The following ACSS3 variants were observed in gnomAD, a reference collection of about 807,000 sequenced individuals.
ACSS3 encodes acyl-CoA synthetase short-chain family member 3, mitochondrial.
In ACSS3, 64 loss-of-function variants were observed where a neutral mutation model predicts 84.2. The observed-to-expected ratio is 0.76, with a 90% CI of 0.62 to 0.94. ACSS3 has a LOEUF of 0.94. ACSS3 is among the 40% of genes least tolerant of loss of function. ACSS3 has a pLI of 0.00. For missense variants in ACSS3, 815 were observed against 867.6 expected (o/e 0.94, Z 0.76); for synonymous variants, 317 against 310.1 (o/e 1.02, Z -0.23).
At chr12:81,162,098 T>C (rs1377946194) in intron 7 of ACSS3, among the ~76,000 whole-genome samples, 1 of 152,216 alleles carries the variant, frequency 6.6e-6, no homozygotes, top group Non-Finnish European at 1.5e-5. Context: ...GTTTGTGCTA[T>C]AGCTCTTTCA....
chr12:81,192,389 GCAAA>G (rs199599674), intron 8 of ACSS3, among the ~76,000 whole-genome samples: 2,653 of 151,982 alleles, frequency 0.017, 46 homozygotes, highest in South Asian at 0.028. Context: ...CAGGAAAAAA[GCAAA>G]CAAACAAACA....
intron 1 of ACSS3, chr12:81,094,453 C>T (rs1029930132): frequency 6.6e-6 from 1 of 152,186 alleles, no homozygotes; most frequent in Admixed American, 6.5e-5. Context: ...ACAATTGACG[C>T]TCCCTGTGTA....
At chr12:81,196,889 C>T (rs1442625984) in intron 8 of ACSS3, among the ~76,000 whole-genome samples, 1 of 152,140 alleles carries the variant, frequency 6.6e-6, no homozygotes, top group African/African-American at 2.4e-5. Context: ...CTAGGCCCCA[C>T]CTCCAATACT....
At chr12:81,115,089 G>C (rs1015542672) in intron 2 of ACSS3, among the ~76,000 whole-genome samples, 4 of 152,046 alleles carry the variant, frequency 2.6e-5, no homozygotes, top group African/African-American at 9.7e-5. Flanking sequence ...TTGGTTATTT[G>C]GGTAATGTCT....
intron 1 of ACSS3, among the ~76,000 whole-genome samples, chr12:81,098,129 T>TGAGAGAGAGAGAGA (rs769661021): frequency 7.4e-6 from 1 of 135,058 alleles, no homozygotes; most frequent in African/African-American, 2.8e-5. Flanking sequence ...GGTCCCAGTA[T>TGAGAGAGAGAGAGA]GAGAGAGAGA....
chr12:81,091,900 A>G (rs1382919388), intron 1 of ACSS3, among the ~76,000 whole-genome samples: 4 of 152,110 alleles, frequency 2.6e-5, no homozygotes, highest in Non-Finnish European at 4.4e-5. Context: ...CAAGAATTTA[A>G]GGAAAGTTAA....
chr12:81,139,635 A>AATTATT (rs201396521), intron 4 of ACSS3, among the ~76,000 whole-genome samples: 2,145 of 145,814 alleles, frequency 0.015, 29 homozygotes, highest in Middle Eastern at 0.047. Context: ...TAATAATAAT[A>AATTATT]ATTATTGTTA....
intron 7 of ACSS3, among the ~76,000 whole-genome samples, chr12:81,166,713 T>C (rs189552544): frequency 4.1e-4 from 63 of 152,310 alleles, no homozygotes; most frequent in African/African-American, 1.4e-3. Context: ...CAGGAAAGTT[T>C]GTTGTTTCAT....
chr12:81,253,485 T>C lies in ACSS3; in HGVS notation c.1820-10T>C. The C allele has an allele frequency of 6.2e-7, 1 of 1,613,412 alleles. No homozygotes were observed. Among genetic ancestry groups the C allele is most frequent in the Non-Finnish European group, 8.5e-7 (1 of 1,179,470 alleles). ...TAATTCAGTGCTTACCATCTGAACT[T>C]TCTCTCTAGATATAAATGCAACAGA... is the stretch of plus-strand genomic sequence containing the variant. On this transcript the variant is annotated splice_polypyrimidine_tract_variant and intron_variant, in intron 14 of 15. Transcript: ENST00000548058.
chr12:81,091,240 C>T (rs1446792088), intron 1 of ACSS3, among the ~76,000 whole-genome samples: 2 of 151,782 alleles, frequency 1.3e-5, no homozygotes, highest in Non-Finnish European at 1.5e-5. Context: ...ATTATGTTAT[C>T]AGATTGTCAT....
chr12:81,139,876 C>G (rs936497058), intron 4 of ACSS3, among the ~76,000 whole-genome samples: 1 of 151,946 alleles, frequency 6.6e-6, no homozygotes, highest in Non-Finnish European at 1.5e-5. Context: ...ACCTCGTGAT[C>G]CGCCTGCCTG....
chr12:81,129,389 AACC>A (rs1364606972), intron 2 of ACSS3, among the ~76,000 whole-genome samples: 1 of 152,190 alleles, frequency 6.6e-6, no homozygotes, highest in East Asian at 1.9e-4. Flanking sequence ...TTCTATGGCA[AACC>A]ACTAGGCTGA....
In ACSS3 at chr12:81,233,489, T is replaced by C. The variant is rs764489001; in HGVS notation, c.1719+18T>C. 2 of 1,609,386 alleles carry C rather than the reference T, an allele frequency of 1.2e-6. No individual in the cohort carries two copies. The highest frequency in any genetic ancestry group is 1.1e-5 in the South Asian group (1 of 90,916). On this transcript the variant is annotated intron_variant, in intron 13 of 15. Coordinates refer to ENST00000548058, the MANE Select transcript of ACSS3 (RefSeq NM_024560.4). The stretch of plus-strand genomic sequence containing the variant: ...TTGAAGAGGTATTGATGAATATTGG[T>C]ATTCTATTCCAAGTAGTGCTTAGGC...
rs111523608 is a variant in ACSS3 at position 81,211,250 on chromosome 12, G to A, written c.1355-5651G>A. On this transcript the variant is annotated intron_variant, in intron 9 of 15. Transcript: ENST00000548058. The stretch of plus-strand genomic sequence containing the variant: ...CTGCCTTGGCCTCCCAAAATGCTGG[G>A]AATGCAGTCAGGAGCCTCTTTTTTT... Among the ~76,000 whole-genome samples, 9 of 152,280 alleles carry A rather than the reference G, an allele frequency of 5.9e-5. 1 individual carries two copies. The highest frequency in any genetic ancestry group is 2.2e-4 in the African/African-American group (9 of 41,562).
chr12:81,212,346 G>A (rs1234494788), intron 9 of ACSS3, among the ~76,000 whole-genome samples: 2 of 152,118 alleles, frequency 1.3e-5, no homozygotes, highest in African/African-American at 4.8e-5. Context: ...TAAGTGATTT[G>A]TACCACCAGT....
intron 2 of ACSS3, among the ~76,000 whole-genome samples, chr12:81,119,767 GCA>G (rs1332623116): frequency 6.6e-6 from 1 of 152,058 alleles, no homozygotes; most frequent in Admixed American, 6.6e-5. Context: ...TTTTCAAGGT[GCA>G]CTGATTTCAT....
chr12:81,100,384 G>C (rs1029678681), intron 1 of ACSS3, among the ~76,000 whole-genome samples: 17 of 151,990 alleles, frequency 1.1e-4, no homozygotes, highest in African/African-American at 3.9e-4. Flanking sequence ...CTTTGGGGAG[G>C]CCCTCAGTCC....
chr12:81,190,025 C>G (rs2031484119), intron 8 of ACSS3, among the ~76,000 whole-genome samples: 2 of 152,122 alleles, frequency 1.3e-5, no homozygotes, highest in Admixed American at 1.3e-4. Flanking sequence ...TTCCATCAGC[C>G]TACTTGTTTG....
intron 9 of ACSS3, among the ~76,000 whole-genome samples, chr12:81,200,300 A>G (rs924165915): frequency 1.3e-5 from 2 of 152,108 alleles, no homozygotes; most frequent in Non-Finnish European, 2.9e-5. Flanking sequence ...GAGCCCTACA[A>G]CCTTTATATG....
Sources: allele counts gnomAD v4.1 joint callset (sites outside exome capture counted in the v4.1 genomes callset), GRCh38; gene constraint gnomAD v4.1.1; transcripts MANE v1.5; gene names NCBI Gene and HGNC (gene_info 2026-07-23, HGNC 2026-07-21).